Variants in B3GLCT observed in about 807,000 individuals in gnomAD.
B3GLCT encodes the protein beta 3-glucosyltransferase.
Under a neutral mutation model 63.4 loss-of-function variants are expected in B3GLCT, and 65 were observed. That is an observed-to-expected ratio of 1.03 (90% CI 0.84 to 1.26). The LOEUF is 1.26. B3GLCT is among the 50% of genes most tolerant of loss of function. B3GLCT has a pLI of 0.00. For missense variants in B3GLCT, 577 were observed against 604.8 expected (o/e 0.95, Z 0.48); for synonymous variants, 233 against 219.2 (o/e 1.06, Z -0.55).
chr13:31,266,178 T>G (rs768276036), intron 7 of B3GLCT, among the ~76,000 whole-genome samples: 25 of 152,066 alleles, frequency 1.6e-4, no homozygotes, highest in Non-Finnish European at 2.4e-4. Flanking sequence ...TTTTGTGTTT[T>G]TAGTAGAGAC....
At chr13:31,276,007 T>C (rs1872767008) in intron 9 of B3GLCT, among the ~76,000 whole-genome samples, 1 of 152,150 alleles carries the variant, frequency 6.6e-6, no homozygotes, top group Non-Finnish European at 1.5e-5. Flanking sequence ...TTAACTATGA[T>C]TGCAGGCCTA....
At chr13:31,314,359 G>T (rs147242387) in intron 12 of B3GLCT, among the ~76,000 whole-genome samples, 3,506 of 152,286 alleles carry the variant, frequency 0.023, 141 homozygotes, top group African/African-American at 0.08. Context: ...GAGGGAGGCT[G>T]TACTCTGCAA....
In B3GLCT at chr13:31,274,708, A is replaced by C. The variant is rs1265837417; in HGVS notation, c.780+80A>C. The C allele has an allele frequency of 1.9e-6, 3 of 1,559,708 alleles. No individual in the cohort carries two copies. In the African/African-American group the frequency reaches 4.1e-5, roughly 21 times the overall value. On this transcript the variant is annotated intron_variant, in intron 9 of 14. Coordinates refer to ENST00000343307, the MANE Select transcript of B3GLCT (RefSeq NM_194318.4). ...TGCATAATGTCATCCTAGCACTTTA[A>C]AATGAATTTTAAATTCAGGGCATTC... is the stretch of plus-strand genomic sequence containing the variant.
In B3GLCT at chr13:31,332,112, A is replaced by G. The variant is rs1436328745; in HGVS notation, c.*2444A>G. On this transcript the variant is annotated 3_prime_UTR_variant, in exon 15 of 15. Transcript: ENST00000343307. The stretch of plus-strand genomic sequence containing the variant: ...AATGATGCTATGTATGGGTATGTAA[A>G]TATCAGTGCTGTCTGCATTTCTGGG... 1 of 152,182 alleles carries G rather than the reference A, an allele frequency of 6.6e-6. No individual in the cohort carries two copies. Among genetic ancestry groups the G allele is most frequent in the African/African-American group, 2.4e-5 (1 of 41,440 alleles). The allele number at this position is 152,182 out of a possible 1,614,324, so 9.4% of individuals were successfully genotyped here.
At chr13:31,315,016 T>C (rs1270634864) in intron 12 of B3GLCT, among the ~76,000 whole-genome samples, 1 of 152,244 alleles carries the variant, frequency 6.6e-6, no homozygotes, top group African/African-American at 2.4e-5. Context: ...GAAATGCCTT[T>C]TGCCCTCTGC....
chr13:31,290,922 C>G (rs978261484), intron 12 of B3GLCT, among the ~76,000 whole-genome samples: 1 of 152,124 alleles, frequency 6.6e-6, no homozygotes, highest in Non-Finnish European at 1.5e-5. Flanking sequence ...GTTTTAGTCA[C>G]GAAGTCTTTG....
At chr13:31,232,375 G>A (rs1870422293) in intron 4 of B3GLCT, among the ~76,000 whole-genome samples, 1 of 152,154 alleles carries the variant, frequency 6.6e-6, no homozygotes, top group African/African-American at 2.4e-5. Context: ...ATGGCAGAAG[G>A]TGAAGAAGAA....
intron 12 of B3GLCT, among the ~76,000 whole-genome samples, chr13:31,289,947 A>G (rs1439341538): frequency 6.6e-6 from 1 of 151,860 alleles, no homozygotes; most frequent in Non-Finnish European, 1.5e-5. Flanking sequence ...TACACGTGCC[A>G]TGGTGGTTTG....
chr13:31,231,442 T>C (rs1870376723), intron 4 of B3GLCT, among the ~76,000 whole-genome samples: 1 of 152,222 alleles, frequency 6.6e-6, no homozygotes, highest in African/African-American at 2.4e-5. Context: ...ATTATGTATC[T>C]TCCCCATTTA....
At chr13:31,273,422 T>A (rs577563913) in intron 8 of B3GLCT, among the ~76,000 whole-genome samples, 42 of 152,350 alleles carry the variant, frequency 2.8e-4, no homozygotes, top group African/African-American at 9.9e-4. Flanking sequence ...TGCTTACTTG[T>A]TTTGTGTAAT....
At chr13:31,211,167 G>A (rs1456168448) in intron 1 of B3GLCT, among the ~76,000 whole-genome samples, 2 of 152,184 alleles carry the variant, frequency 1.3e-5, no homozygotes, top group Non-Finnish European at 2.9e-5. Flanking sequence ...GGCCGAGGTG[G>A]GTGGATCACC....
intron 2 of B3GLCT, among the ~76,000 whole-genome samples, chr13:31,221,425 T>G (rs2137756246): frequency 6.6e-6 from 1 of 152,358 alleles, no homozygotes; most frequent in African/African-American, 2.4e-5. Context: ...AACCTGGCTT[T>G]GGTTCAGTGC....
At chr13:31,273,831 T>A (rs1872668830) in intron 8 of B3GLCT, among the ~76,000 whole-genome samples, 1 of 152,302 alleles carries the variant, frequency 6.6e-6, no homozygotes, top group Admixed American at 6.5e-5. Context: ...GGTTGCAAAA[T>A]CTAAGAGGAG....
At chr13:31,214,757 A>G (rs1869464203) in intron 1 of B3GLCT, among the ~76,000 whole-genome samples, 2 of 152,188 alleles carry the variant, frequency 1.3e-5, no homozygotes, top group Admixed American at 6.5e-5. Context: ...GTACACATCT[A>G]TTTTATAGTT....
At chr13:31,329,444 C>A (rs930761680) in intron 14 of B3GLCT, 57 bp from the exon 15 acceptor site, 1 of 1,598,728 alleles carries the variant, frequency 6.3e-7, no homozygotes, top group Non-Finnish European at 8.6e-7. Context: ...AAATGCTCTT[C>A]TGCAGCAAAA....
intron 10 of B3GLCT, among the ~76,000 whole-genome samples, chr13:31,283,856 G>GT (rs1298172985): frequency 1.3e-5 from 2 of 152,208 alleles, no homozygotes; most frequent in South Asian, 2.1e-4. Flanking sequence ...AAATCTAAAT[G>GT]TTTTTTCTAT....
At position 31,331,353 on chromosome 13, in the gene B3GLCT, T is replaced by A. The variant is rs1045574448; in HGVS notation, c.*1685T>A. 1.3e-5 allele frequency: 2 copies of A among 152,232 alleles called. No homozygotes were observed. Among genetic ancestry groups the A allele is most frequent in the African/African-American group, 4.8e-5 (2 of 41,452 alleles). 9.4% of individuals were successfully genotyped at this position (152,232 alleles called of 1,614,324 possible). A position where few individuals can be genotyped will look rare whatever the true frequency, so the allele number is the denominator to read the frequency against. ...GAACAACATGTTCATTTGACATGAT[T>A]GAAGCTGGCATCCGTATATGAAGAT... On this transcript the variant is annotated 3_prime_UTR_variant, in exon 15 of 15. Coordinates refer to ENST00000343307, the MANE Select transcript of B3GLCT (RefSeq NM_194318.4).
chr13:31,277,647 T>G (rs1872862644), intron 10 of B3GLCT, among the ~76,000 whole-genome samples: 1 of 152,168 alleles, frequency 6.6e-6, no homozygotes, highest in Non-Finnish European at 1.5e-5. Context: ...ATATATTTTA[T>G]GTGATAATAT....
At chr13:31,249,202 G>A (rs1389325941) in intron 6 of B3GLCT, among the ~76,000 whole-genome samples, 1 of 152,188 alleles carries the variant, frequency 6.6e-6, no homozygotes, top group Non-Finnish European at 1.5e-5. Flanking sequence ...TCCAACCCTG[G>A]AAAGCCTGTT....
Sources: gnomAD v4.1 joint callset for allele counts (sites outside exome capture counted in the v4.1 genomes callset) on GRCh38, gnomAD v4.1.1 for gene constraint, MANE v1.5 for transcripts, NCBI Gene and HGNC (gene_info 2026-07-23, HGNC 2026-07-21) for gene names.